GLT8D2: variants seen among roughly 807,000 people sequenced by gnomAD.
GLT8D2 encodes glycosyltransferase 8 domain containing 2.
GLT8D2 carries 45 observed loss-of-function variants against 44.5 expected under a neutral mutation model. The observed-to-expected ratio is 1.01, with a 90% confidence interval of 0.80 to 1.30. The LOEUF is 1.30. Among genes scored for constraint, GLT8D2 ranks in the 50% most tolerant of loss-of-function variants. The pLI is 0.00. For missense variants in GLT8D2, 400 were observed against 430.4 expected, an observed-to-expected ratio of 0.93 and a Z score of 0.62; for synonymous variants, 156 against 157.2, an observed-to-expected ratio of 0.99 and a Z score of 0.06.
At chr12:104,034,885 C>T (rs761223429) in intron 1 of GLT8D2, among the ~76,000 whole-genome samples, 1 of 152,226 alleles carries the variant, frequency 6.6e-6, no homozygotes. Context: ...AGACACCTCC[C>T]AGTAGGGGCC....
At chr12:104,016,205 C>T (rs970059169) in intron 3 of GLT8D2, among the ~76,000 whole-genome samples, 2 of 152,174 alleles carry the variant, frequency 1.3e-5, no homozygotes, top group African/African-American at 2.4e-5. Flanking sequence ...TAGTATGATA[C>T]TAGCTGTGGG....
chr12:104,036,706 A>G (rs555865856), intron 1 of GLT8D2, among the ~76,000 whole-genome samples: 5 of 152,288 alleles, frequency 3.3e-5, no homozygotes, highest in African/African-American at 1.2e-4. Flanking sequence ...CCCACACAAT[A>G]ATAATGGGAG....
intron 4 of GLT8D2, chr12:104,012,681 G>A (rs1876028668): frequency 1.6e-6 from 1 of 609,290 alleles, no homozygotes; most frequent in African/African-American, 1.9e-5. Context: ...ATACTGCTAT[G>A]GACTGAATTG....
intron 1 of GLT8D2, among the ~76,000 whole-genome samples, chr12:104,062,513 A>G (rs1427483745): frequency 6.6e-6 from 1 of 152,224 alleles, no homozygotes; most frequent in Non-Finnish European, 1.5e-5. Flanking sequence ...AAATAAGAGG[A>G]AAAAAGAGTT....
intron 4 of GLT8D2, among the ~76,000 whole-genome samples, chr12:104,012,445 T>A (rs1398120748): frequency 6.6e-6 from 1 of 152,200 alleles, no homozygotes; most frequent in African/African-American, 2.4e-5. Context: ...TAGGTCTGAT[T>A]AGGCAGTCAG....
In GLT8D2 at chr12:103,989,562, G is replaced by A; in HGVS notation, c.896C>T (p.Ala299Val). Reference sequence around the variant, plus strand: ...CTGCAGAAAATGCTCCGAATATCTGGCATCTGGATTCCAGCCTTCATTGTG... The same window carrying A: ...CTGCAGAAAATGCTCCGAATATCTGACATCTGGATTCCAGCCTTCATTGTG... ...HIRHLGWNPD[A>V]RYSEHFLQEA... is the part of the protein sequence containing the mutation. Residue 299 changes from alanine (A) to valine (V), a missense_variant, in exon 11 of 11, where the codon GCC becomes GTC. Physicochemically the swap from Ala to Val is moderately conservative, Grantham distance 64 (BLOSUM62 0). Transcript: ENST00000360814. 1 of 1,611,678 alleles carries A rather than the reference G, an allele frequency of 6.2e-7. No individual in the cohort carries two copies. The highest frequency in any genetic ancestry group is 1.1e-5 in the South Asian group (1 of 90,626).
Position 104,055,884 on chromosome 12 carries a change from T to G in GLT8D2, c.-422-5596A>C, listed in dbSNP as rs1165958488. ...CATGGCTGGGCTCCAAGATCACACA[T>G]ATGGGGCAGGAATTACCATAGCAGC... On this transcript the variant is annotated intron_variant, in intron 1 of 10. Coordinates refer to the GLT8D2 transcript ENST00000548660. 2.0e-5 allele frequency among the ~76,000 whole-genome samples: 3 copies of G among 152,188 alleles called. No homozygotes were observed. In the East Asian group the frequency reaches 5.8e-4, roughly 29 times the overall value.
At chr12:104,052,995 C>A (rs1881853363), upstream of GLT8D2, among the ~76,000 whole-genome samples, 1 of 152,156 alleles carries the variant, frequency 6.6e-6, no homozygotes, top group Non-Finnish European at 1.5e-5. Context: ...TCAGGGGCAG[C>A]ACAATATCCT....
chr12:104,062,230 C>T (rs551215606), intron 1 of GLT8D2, among the ~76,000 whole-genome samples: 2 of 151,866 alleles, frequency 1.3e-5, no homozygotes, highest in South Asian at 2.1e-4. Flanking sequence ...TGCACCACCA[C>T]GCCCGGCTAA....
upstream of GLT8D2, among the ~76,000 whole-genome samples, chr12:104,053,472 T>C (rs535741454): frequency 6.6e-6 from 1 of 152,326 alleles, no homozygotes; most frequent in African/African-American, 2.4e-5. Context: ...TCCAGTTTCC[T>C]CATCTGTTAA....
intron 4 of GLT8D2, among the ~76,000 whole-genome samples, chr12:104,012,206 A>C (rs1301997112): frequency 1.4e-5 from 2 of 147,052 alleles, no homozygotes; most frequent in Non-Finnish European, 3.0e-5. Flanking sequence ...ATATATATAT[A>C]TATATACCTT....
At chr12:104,049,753 A>G (rs575116390) in intron 1 of GLT8D2, 142 bp downstream of exon 1, 1 of 152,312 alleles carries the variant, frequency 6.6e-6, no homozygotes, top group South Asian at 2.1e-4. Flanking sequence ...CGGACTGGGA[A>G]GTTTCTGAAG....
Position 104,016,760 on chromosome 12 carries a change from AAAGAAAGAAAGAAAGAAGG to A in GLT8D2, c.20-1674_20-1656del, listed in dbSNP as rs1484100509. The stretch of plus-strand genomic sequence containing the variant: ...GAAAGAAAGAAAGAAAGAAAGAAAG[AAAGAAAGAAAGAAAGAAGG>A]AAGGAAGGAAGGAAGGAAGGAAGGA... On this transcript the variant is annotated intron_variant, in intron 3 of 10. Coordinates refer to ENST00000360814, the MANE Select transcript of GLT8D2 (RefSeq NM_001384711.1). Among the ~76,000 whole-genome samples the A allele has an allele frequency of 2.0e-3, 205 of 102,924 alleles. 8 individuals are homozygous for A. In the East Asian group the frequency reaches 0.02, roughly 10 times the overall value. 67.5% of individuals were successfully genotyped at this position (102,924 alleles called of 152,430 possible). A position where few individuals can be genotyped will look rare whatever the true frequency, so the allele number is the denominator to read the frequency against.
chr12:104,054,887 T>G (rs1018939336), upstream of GLT8D2, among the ~76,000 whole-genome samples: 1 of 152,174 alleles, frequency 6.6e-6, no homozygotes, highest in African/African-American at 2.4e-5. Context: ...ACAGTGACTA[T>G]AGAGTTGAAT....
rs371834905 is a variant in GLT8D2 at position 104,008,822 on chromosome 12, C to T, written c.113-5516G>A. Among the ~76,000 whole-genome samples, 60 of 152,386 alleles carry T rather than the reference C, an allele frequency of 3.9e-4. No homozygotes were observed. In the East Asian group the frequency reaches 6.8e-3, roughly 17 times the overall value. On this transcript the variant is annotated intron_variant, in intron 4 of 10. Transcript: ENST00000360814. ...TCCAGCCATGGCTGAAAGGGGCCAA[C>T]ATAGGGCTTGCGCCATGGCTTCAGA...
At chr12:104,061,244 T>C (rs910155090) in intron 1 of GLT8D2, among the ~76,000 whole-genome samples, 7 of 152,236 alleles carry the variant, frequency 4.6e-5, no homozygotes, top group Admixed American at 1.3e-4. Context: ...CCACCAGTTA[T>C]AGCTTGCAAT....
At chr12:104,016,741 AAG>A (rs1876728226) in intron 3 of GLT8D2, among the ~76,000 whole-genome samples, 1 of 99,466 alleles carries the variant, frequency 1.0e-5, no homozygotes, top group Non-Finnish European at 2.1e-5. Context: ...GAAAGAAAGA[AAG>A]AAAGAAAGAA....
At chr12:104,016,992 G>A (rs926570362) in intron 3 of GLT8D2, among the ~76,000 whole-genome samples, 2 of 152,156 alleles carry the variant, frequency 1.3e-5, no homozygotes, top group African/African-American at 2.4e-5. Context: ...CAGTGATGTT[G>A]GCCCTTGAGA....
At chr12:104,016,711 GAAAGA>G (rs1288176032) in intron 3 of GLT8D2, among the ~76,000 whole-genome samples, 2 of 30,640 alleles carry the variant, frequency 6.5e-5, no homozygotes, top group Admixed American at 7.4e-4. Flanking sequence ...AAGGGAGAGA[GAAAGA>G]AAGAAAGAAA....
Sources: allele counts gnomAD v4.1 joint callset (sites outside exome capture counted in the v4.1 genomes callset), GRCh38; gene constraint gnomAD v4.1.1; transcripts MANE v1.5; gene names NCBI Gene and HGNC (gene_info 2026-07-23, HGNC 2026-07-21).